DMD: variants seen among roughly 807,000 people sequenced by gnomAD.
DMD encodes the protein dystrophin, also known as mutant dystrophin.
In DMD, 63 loss-of-function variants were observed where a neutral mutation model predicts 330.1. The observed-to-expected ratio is 0.19, with a 90% CI of 0.16 to 0.24. The LOEUF is 0.24. DMD is among the 10% of genes least tolerant of loss of function. DMD has a pLI of 1.00. For missense variants in DMD, 3,344 were observed against 2,684.1 expected (o/e 1.25, Z -5.43); for synonymous variants, 1,223 against 959.8 (o/e 1.27, Z -5.07).
intron 55 of DMD, among the ~76,000 whole-genome samples, chrX:31,530,647 C>CTTTTTTTTTTTTTTTTTTTTTTT (rs1192286078): frequency 2.8e-4 from 14 of 49,800 alleles, no homozygotes; most frequent in African/African-American, 3.1e-4. Context: ...ACTGGTTTCT[C>CTTTTTTTTTTTTTTTTTTTTTTT]TTTTTTTTTT....
chrX:31,740,212 C>T (rs1364739343), intron 51 of DMD, among the ~76,000 whole-genome samples: 2 of 111,805 alleles, frequency 1.8e-5, no homozygotes, highest in East Asian at 2.8e-4. Flanking sequence ...ATATAAAGGG[C>T]GTTGATAATT....
At chrX:32,919,968 T>C (rs1378314062) in intron 2 of DMD, among the ~76,000 whole-genome samples, 4 of 111,739 alleles carry the variant, frequency 3.6e-5, no homozygotes, top group Non-Finnish European at 5.6e-5. Flanking sequence ...TGGTGATCAA[T>C]AGCCGAAAGA....
At chrX:31,963,338 C>CATTT (rs2095323909) in intron 45 of DMD, among the ~76,000 whole-genome samples, 1 of 111,911 alleles carries the variant, frequency 8.9e-6, no homozygotes, top group African/African-American at 3.2e-5. Flanking sequence ...TATACTAGTA[C>CATTT]ATTTTGGTTT....
chrX:32,386,263 T>A (rs1421184159), intron 33 of DMD, 47 bp downstream of exon 33: 1 of 1,199,545 alleles, frequency 8.3e-7, no homozygotes, highest in African/African-American at 1.7e-5. Flanking sequence ...CTTTACAATT[T>A]ATAAGGAAAG....
At chrX:32,508,739 C>T (rs1045284825) in intron 18 of DMD, among the ~76,000 whole-genome samples, 2 of 111,700 alleles carry the variant, frequency 1.8e-5, no homozygotes, top group African/African-American at 3.3e-5. Flanking sequence ...AGACTATACC[C>T]GACAAACTGA....
chrX:31,508,501 CA>C, intron 55 of DMD: 1 of 222,642 alleles, frequency 4.5e-6, no homozygotes, highest in Non-Finnish European at 8.2e-6. Context: ...TTATATTAAA[CA>C]GCCAACTTTT....
At chrX:31,144,943 G>GT (rs750828253) in intron 76 of DMD, among the ~76,000 whole-genome samples, 2 of 111,813 alleles carry the variant, frequency 1.8e-5, no homozygotes, top group Non-Finnish European at 3.8e-5. Context: ...CCCTACTCTT[G>GT]TTTTGACCTT....
At chrX:31,959,751 T>G (rs2095282270) in intron 45 of DMD, among the ~76,000 whole-genome samples, 1 of 103,600 alleles carries the variant, frequency 9.7e-6, no homozygotes, top group African/African-American at 3.5e-5. Context: ...TACCTACATC[T>G]AATTCAACAG....
intron 2 of DMD, among the ~76,000 whole-genome samples, chrX:32,888,312 AC>A (rs1270896181): frequency 2.8e-5 from 3 of 108,720 alleles, no homozygotes; most frequent in Non-Finnish European, 5.7e-5. Flanking sequence ...CTTGCTCCCT[AC>A]GCCCCCACCC....
At chrX:31,905,113 G>T (rs982278820) in intron 47 of DMD, among the ~76,000 whole-genome samples, 4 of 111,236 alleles carry the variant, frequency 3.6e-5, no homozygotes, top group African/African-American at 1.3e-4. Flanking sequence ...AAACCATTAA[G>T]GTTTCATGCA....
chrX:32,392,781 T>A (rs1418021717), intron 30 of DMD, among the ~76,000 whole-genome samples: 1 of 112,667 alleles, frequency 8.9e-6, no homozygotes, highest in Non-Finnish European at 1.9e-5. Context: ...GAACAGTCAT[T>A]CTTAGGGTGC....
intron 55 of DMD, among the ~76,000 whole-genome samples, chrX:31,530,115 T>C (rs1409955625): frequency 1.8e-5 from 2 of 111,847 alleles, no homozygotes; most frequent in South Asian, 3.7e-4. Flanking sequence ...ACAGATTTTA[T>C]GTTTAAAAAA....
At chrX:32,528,661 G>A (rs1728136768) in intron 17 of DMD, among the ~76,000 whole-genome samples, 1 of 111,148 alleles carries the variant, frequency 9.0e-6, no homozygotes, top group Non-Finnish European at 1.9e-5. Flanking sequence ...CAGACTTTAA[G>A]TCTGATAAGA....
chrX:31,604,554 C>T (rs892627386), intron 55 of DMD, among the ~76,000 whole-genome samples: 1 of 111,752 alleles, frequency 8.9e-6, no homozygotes, highest in Non-Finnish European at 1.9e-5. Flanking sequence ...GGAAGATGCA[C>T]GTTCTATACA....
intron 2 of DMD, among the ~76,000 whole-genome samples, chrX:32,993,900 A>G: frequency 9.0e-6 from 1 of 111,661 alleles, no homozygotes; most frequent in Admixed American, 9.5e-5. Context: ...TAAATTTTAC[A>G]AATGATACCA....
chrX:32,698,729 G>T (rs1308802835), intron 8 of DMD, among the ~76,000 whole-genome samples: 1 of 111,585 alleles, frequency 9.0e-6, no homozygotes, highest in Non-Finnish European at 1.9e-5. Context: ...ATTTTTTAAT[G>T]ATTAAAAACT....
At chrX:32,899,176 T>C (rs1303633296) in intron 2 of DMD, among the ~76,000 whole-genome samples, 2 of 112,396 alleles carry the variant, frequency 1.8e-5, no homozygotes, top group Non-Finnish European at 3.8e-5. Flanking sequence ...GGCACAGGCG[T>C]GCCATTTGCC....
At chrX:32,281,460 A>G (rs968872022) in intron 43 of DMD, among the ~76,000 whole-genome samples, 1 of 112,180 alleles carries the variant, frequency 8.9e-6, no homozygotes, top group Non-Finnish European at 1.9e-5. Context: ...GCATTCACAC[A>G]GAAATGTGTA....
intron 44 of DMD, among the ~76,000 whole-genome samples, chrX:32,166,051 A>G (rs1233880521): frequency 1.8e-5 from 2 of 110,739 alleles, no homozygotes; most frequent in African/African-American, 6.6e-5. Context: ...AAATTACCCA[A>G]TCTCGGGCAG....
Sources: allele counts gnomAD v4.1 joint callset (sites outside exome capture counted in the v4.1 genomes callset), GRCh38; gene constraint gnomAD v4.1.1; transcripts MANE v1.5; gene names NCBI Gene and HGNC (gene_info 2026-07-23, HGNC 2026-07-21).